Variants in BMP6 observed in about 807,000 individuals in gnomAD.
BMP6 encodes the protein bone morphogenetic protein 6.
In BMP6, 17 loss-of-function variants were observed where a neutral mutation model predicts 54.1. The ratio of observed to expected loss-of-function variants is 0.31; its 90% CI spans 0.22 to 0.47. BMP6 has a LOEUF of 0.47. Among genes scored for constraint, BMP6 ranks in the 20% least tolerant of loss-of-function variants. The pLI, the probability that BMP6 is intolerant of heterozygous loss-of-function variation, is 1.00. For synonymous variants in BMP6, 328 were observed against 291.2 expected, an observed-to-expected ratio of 1.13 and a Z score of -1.28; for missense variants, 720 against 690.4, an observed-to-expected ratio of 1.04 and a Z score of -0.48.
At chr6:7,794,735 G>C (rs1758167789) in intron 1 of BMP6, among the ~76,000 whole-genome samples, 1 of 152,190 alleles carries the variant, frequency 6.6e-6, no homozygotes, top group Non-Finnish European at 1.5e-5. Flanking sequence ...GGTTGAAGGT[G>C]AGGAAATGTG....
Position 7,862,371 on chromosome 6 carries a change from G to A in BMP6, c.1077G>A (p.Met359Ile). Reference protein sequence around the residue: ...RDGPYDKQPFMVAFFKVSEVH... With the variant: ...RDGPYDKQPFIVAFFKVSEVH... ...GCCCTTACGACAAGCAGCCCTTCAT[G>A]GTGGCTTTCTTCAAAGTGAGTGAGG... Residue 359 changes from methionine (M) to isoleucine (I), a missense_variant, in exon 4 of 7, where the codon ATG becomes ATA. By Grantham distance (10) the Met-to-Ile change is conservative. Transcript: ENST00000283147. 6.2e-7 allele frequency: 1 copy of A among 1,614,190 alleles called. No individual in the cohort carries two copies. The highest frequency in any genetic ancestry group is 1.1e-5 in the South Asian group (1 of 91,086).
chr6:7,873,630 C>G (rs1402061543), intron 4 of BMP6, among the ~76,000 whole-genome samples: 1 of 152,016 alleles, frequency 6.6e-6, no homozygotes, highest in Non-Finnish European at 1.5e-5. Context: ...CTGTGCTTGG[C>G]TTTTTTGGTA....
rs528809313 is a variant in BMP6, at chr6:7,841,336, A to G, written c.665-3804A>G. The stretch of plus-strand genomic sequence containing the variant: ...AGTAGGTACTGAGGGCTGAATTTGG[A>G]ACTCAGCCCTCTCCCTTTCTCTCCC... On this transcript the variant is annotated intron_variant, in intron 1 of 6. Transcript: ENST00000283147. Among the ~76,000 whole-genome samples the G allele has an allele frequency of 4.4e-4, 67 of 152,224 alleles. 1 individual carries two copies. In the South Asian group the frequency reaches 0.013, roughly 31 times the overall value.
chr6:7,827,249 G>A (rs995453630), intron 1 of BMP6, among the ~76,000 whole-genome samples: 4 of 152,174 alleles, frequency 2.6e-5, no homozygotes, highest in South Asian at 2.1e-4. Context: ...GACCTGCTGC[G>A]CTTCAGGGGA....
rs996327455 is a variant in BMP6, at chr6:7,726,297, G to C, written c.-659G>C. On this transcript the variant is annotated 5_prime_UTR_variant, in exon 1 of 7. Coordinates refer to ENST00000283147, the MANE Select transcript of BMP6 (RefSeq NM_001718.6). ...CCGCCTCCGCTTGAGGAGGCGTGCG[G>C]CGCGCGGAGATTTTGAGTGGGAGCG... is the stretch of plus-strand genomic sequence containing the variant. 6.6e-6 allele frequency among the ~76,000 whole-genome samples: 1 copy of C among 152,228 alleles called. No homozygotes were observed. The highest frequency in any genetic ancestry group is 1.5e-5 in the Non-Finnish European group (1 of 68,044).
intron 1 of BMP6, among the ~76,000 whole-genome samples, chr6:7,812,974 A>AAG (rs1758456567): frequency 6.8e-6 from 1 of 146,392 alleles, no homozygotes; most frequent in Non-Finnish European, 1.5e-5. Context: ...AAGGTGAGGA[A>AAG]AAAAAAAACA....
intron 1 of BMP6, among the ~76,000 whole-genome samples, chr6:7,807,901 G>A (rs977392474): frequency 2.7e-5 from 4 of 150,848 alleles, no homozygotes; most frequent in African/African-American, 7.3e-5. Flanking sequence ...TATTACTAAC[G>A]GGAAGTCTTT....
intron 1 of BMP6, among the ~76,000 whole-genome samples, chr6:7,768,946 C>T (rs367769402): frequency 5.3e-5 from 8 of 152,074 alleles, no homozygotes; most frequent in Non-Finnish European, 1.0e-4. Context: ...AGAGACTGAA[C>T]CTTAACCAAT....
chr6:7,806,394 A>T (rs1026641331), intron 1 of BMP6, among the ~76,000 whole-genome samples: 1 of 152,202 alleles, frequency 6.6e-6, no homozygotes, highest in Non-Finnish European at 1.5e-5. Flanking sequence ...GGACATCTTT[A>T]TGAGTGTTTG....
intron 1 of BMP6, among the ~76,000 whole-genome samples, chr6:7,807,350 G>A (rs1411657195): frequency 6.6e-6 from 1 of 152,146 alleles, no homozygotes; most frequent in Admixed American, 6.5e-5. Flanking sequence ...CTGGAGTGCA[G>A]TGACGCACTC....
chr6:7,865,516 C>G (rs1759406823), intron 4 of BMP6, among the ~76,000 whole-genome samples: 1 of 152,174 alleles, frequency 6.6e-6, no homozygotes, highest in Admixed American at 6.5e-5. Flanking sequence ...TCTTCCTTAT[C>G]TATTCTTCCA....
intron 1 of BMP6, among the ~76,000 whole-genome samples, chr6:7,774,413 G>A (rs140798058): frequency 6.6e-6 from 1 of 152,340 alleles, no homozygotes; most frequent in Non-Finnish European, 1.5e-5. Flanking sequence ...AGCTGGGCAT[G>A]GTGCTGGGCA....
intron 1 of BMP6, among the ~76,000 whole-genome samples, chr6:7,729,933 T>C (rs997380757): frequency 6.6e-6 from 1 of 152,214 alleles, no homozygotes; most frequent in African/African-American, 2.4e-5. Context: ...TCAAAACTCC[T>C]GGCCTCAAGC....
chr6:7,807,145 G>A (rs1178531217), intron 1 of BMP6, among the ~76,000 whole-genome samples: 1 of 152,238 alleles, frequency 6.6e-6, no homozygotes, highest in Non-Finnish European at 1.5e-5. Context: ...GATTGTGGTC[G>A]GGGAAGAGAA....
chr6:7,809,066 G>C (rs79434798), intron 1 of BMP6, among the ~76,000 whole-genome samples: 3 of 151,692 alleles, frequency 2.0e-5, no homozygotes, highest in East Asian at 3.9e-4. Flanking sequence ...ATAGGGGTTT[G>C]GTGAGGGCTC....
chr6:7,823,466 C>G (rs1758646570), intron 1 of BMP6, among the ~76,000 whole-genome samples: 1 of 152,182 alleles, frequency 6.6e-6, no homozygotes. Context: ...TTCTTGCACT[C>G]ATGAAACGTG....
intron 4 of BMP6, among the ~76,000 whole-genome samples, chr6:7,877,341 G>A (rs1426850164): frequency 6.6e-6 from 1 of 152,186 alleles, no homozygotes. Context: ...ATGAAATCTG[G>A]TGGGGCATGG....
chr6:7,783,919 C>T (rs1757985175), intron 1 of BMP6, among the ~76,000 whole-genome samples: 1 of 152,234 alleles, frequency 6.6e-6, no homozygotes, highest in African/African-American at 2.4e-5. Context: ...CTCCAAATGC[C>T]ACACATGAGC....
intron 1 of BMP6, among the ~76,000 whole-genome samples, chr6:7,750,138 T>C (rs1047574142): frequency 1.3e-5 from 2 of 152,300 alleles, no homozygotes; most frequent in Middle Eastern, 3.4e-3. Flanking sequence ...TACATCAACA[T>C]TGAAACATTC....
Sources: gnomAD v4.1 joint callset for allele counts (sites outside exome capture counted in the v4.1 genomes callset) on GRCh38, gnomAD v4.1.1 for gene constraint, MANE v1.5 for transcripts, NCBI Gene and HGNC (gene_info 2026-07-23, HGNC 2026-07-21) for gene names.